Variants in ELF1 observed in about 807,000 individuals in gnomAD.
ELF1 encodes ETS-related transcription factor Elf-1.
Under a neutral mutation model 59.9 loss-of-function variants are expected in ELF1, and 24 were observed. That is an observed-to-expected ratio of 0.40 (90% CI 0.29 to 0.56). The LOEUF is 0.56. Ranked by LOEUF, ELF1 falls within the 20% of genes least tolerant of loss-of-function variation. The probability of loss-of-function intolerance (pLI) is 0.44; values close to 1 mark genes in which losing one functional copy is unlikely to be tolerated. For synonymous variants in ELF1, 248 were observed against 266.2 expected (o/e 0.93, Z 0.67); for missense variants, 627 against 742.2 (o/e 0.84, Z 1.80).
intron 1 of ELF1, among the ~76,000 whole-genome samples, chr13:41,059,828 C>T: frequency 6.6e-6 from 1 of 152,180 alleles, no homozygotes. Context: ...TTCTCTTTCC[C>T]AAGCCCCACC....
intron 1 of ELF1, among the ~76,000 whole-genome samples, chr13:41,013,275 T>C (rs2138371023): frequency 6.6e-6 from 1 of 152,306 alleles, no homozygotes; most frequent in South Asian, 2.1e-4. Flanking sequence ...AATGTGAAGA[T>C]ACTGCTCTAC....
intron 1 of ELF1, among the ~76,000 whole-genome samples, chr13:41,044,990 C>T (rs1413141242): frequency 6.6e-6 from 1 of 152,098 alleles, no homozygotes; most frequent in East Asian, 1.9e-4. Context: ...TTGGTCTATT[C>T]AGGGATTCAA....
rs772158393 is a variant in ELF1, at chr13:40,933,528, T to C, written c.1757A>G (p.Glu586Gly). The C allele has an allele frequency of 2.0e-5, 33 of 1,614,136 alleles. 1 individual carries two copies. The African/African-American group carries it at 3.9e-4, about 19-fold the overall frequency. Residue 586 changes from glutamate (E) to glycine (G), a missense_variant, in exon 9 of 9, where the codon GAG becomes GGG. Physicochemically the swap from Glu to Gly is moderately conservative, Grantham distance 98. Transcript: ENST00000239882. ...CATCACATAAGGCTGTGGCTGCTGC[T>C]CCGTTTTCTCAGTGTTCTCTTTCAA... ...DHLKENTEKT[E>G]QQPQPYVMVV...
At chr13:41,039,356 A>C (rs1049865938) in intron 1 of ELF1, among the ~76,000 whole-genome samples, 2 of 151,624 alleles carry the variant, frequency 1.3e-5, no homozygotes, top group Non-Finnish European at 2.9e-5. Context: ...AAAAAAAAAA[A>C]ACCTATTCTT....
chr13:40,934,656 G>A (rs1869646328), intron 8 of ELF1, among the ~76,000 whole-genome samples: 1 of 152,008 alleles, frequency 6.6e-6, no homozygotes, highest in African/African-American at 2.4e-5. Context: ...CTGACCTCAG[G>A]TGATCCACCC....
At chr13:40,999,140 T>A (rs894352975) in intron 1 of ELF1, among the ~76,000 whole-genome samples, 3 of 152,258 alleles carry the variant, frequency 2.0e-5, no homozygotes, top group African/African-American at 7.2e-5. Flanking sequence ...GAATTTCCCT[T>A]AGGCTCAGCA....
chr13:40,959,413 T>C (rs917624048), intron 2 of ELF1, among the ~76,000 whole-genome samples: 1 of 151,984 alleles, frequency 6.6e-6, no homozygotes, highest in Non-Finnish European at 1.5e-5. Context: ...GGAGAATCAC[T>C]TGAACCTGGG....
intron 1 of ELF1, among the ~76,000 whole-genome samples, chr13:41,003,963 T>C (rs974548478): frequency 1.3e-5 from 2 of 152,078 alleles, no homozygotes; most frequent in African/African-American, 2.4e-5. Context: ...AAATAAACCA[T>C]AAAGGCAACC....
intron 1 of ELF1, among the ~76,000 whole-genome samples, chr13:41,017,590 C>T (rs1875481852): frequency 6.6e-6 from 1 of 152,016 alleles, no homozygotes; most frequent in Admixed American, 6.6e-5. Context: ...TTTACCCCCC[C>T]TTCTCCCTTC....
At chr13:41,052,060 C>T (rs994276535) in intron 1 of ELF1, among the ~76,000 whole-genome samples, 1 of 151,608 alleles carries the variant, frequency 6.6e-6, no homozygotes, top group Admixed American at 6.6e-5. Flanking sequence ...CCTGACACAC[C>T]CTTCAAGTAG....
chr13:41,013,752 T>G (rs1875206459), intron 1 of ELF1, among the ~76,000 whole-genome samples: 1 of 152,084 alleles, frequency 6.6e-6, no homozygotes, highest in Non-Finnish European at 1.5e-5. Flanking sequence ...TTTTCCTACA[T>G]GCACATTTCA....
At chr13:40,967,217 C>T (rs1387440599) in intron 2 of ELF1, among the ~76,000 whole-genome samples, 1 of 152,208 alleles carries the variant, frequency 6.6e-6, no homozygotes, top group Non-Finnish European at 1.5e-5. Flanking sequence ...CAGCACCTTA[C>T]TCTATTACAA....
intron 5 of ELF1, 128 bp downstream of exon 5, chr13:40,949,678 T>G: frequency 8.5e-7 from 1 of 1,171,694 alleles, no homozygotes; most frequent in Admixed American, 2.4e-5. Context: ...TAATTTCCAT[T>G]TTGTGCCTTC....
chr13:41,037,009 C>T (rs941625528), intron 1 of ELF1, among the ~76,000 whole-genome samples: 2 of 151,430 alleles, frequency 1.3e-5, no homozygotes, highest in African/African-American at 2.4e-5. Context: ...ATGTAAATGA[C>T]GAGTTAATGG....
intron 1 of ELF1, among the ~76,000 whole-genome samples, chr13:41,060,308 A>AG (rs1300796852): frequency 1.3e-5 from 2 of 152,194 alleles, no homozygotes; most frequent in African/African-American, 2.4e-5. Context: ...CGCCCAGGGC[A>AG]GGGGGGTCAG....
At chr13:41,059,573 C>T (rs1264890356) in intron 1 of ELF1, among the ~76,000 whole-genome samples, 3 of 152,220 alleles carry the variant, frequency 2.0e-5, no homozygotes, top group Non-Finnish European at 4.4e-5. Context: ...AGTAATGGCA[C>T]TGACCAGAAA....
At chr13:41,031,119 ATTGCTCTAC>A (rs1876142504) in intron 1 of ELF1, among the ~76,000 whole-genome samples, 1 of 151,604 alleles carries the variant, frequency 6.6e-6, no homozygotes, top group Admixed American at 6.6e-5. Flanking sequence ...TAATGGCATC[ATTGCTCTAC>A]AGCCTGGGTG....
rs2138156509 is a variant in ELF1 at position 40,949,919 on chromosome 13, T to G, written c.416A>C (p.His139Pro). ...AATCCCATCTAATGTGACGGACACA[T>G]GGGTGACTGGGGCAACAACCATGTC... ...EDDMVVAPVT[H>P]VSVTLDGIPE... The change falls in exon 5 of 9, where the codon CAT (histidine) becomes CCT (proline). Residue 139 changes from histidine to proline, a missense_variant. By Grantham distance (77) the His-to-Pro change is moderately conservative (BLOSUM62 -2). Around this residue, in one of 3 missense-constraint regions of ELF1, gnomAD observed 232 missense variants for 269.2 expected, o/e 0.86. Coordinates refer to ENST00000239882, the MANE Select transcript of ELF1 (RefSeq NM_172373.4). 6.2e-7 allele frequency: 1 copy of G among 1,614,076 alleles called. No individual in the cohort carries two copies. Among genetic ancestry groups the G allele is most frequent in the East Asian group, 2.2e-5 (1 of 44,878 alleles).
intron 2 of ELF1, among the ~76,000 whole-genome samples, chr13:40,978,892 T>C (rs1323422799): frequency 1.3e-5 from 2 of 152,092 alleles, no homozygotes; most frequent in African/African-American, 4.8e-5. Flanking sequence ...CAACTTTTAT[T>C]TTAGATTCAG....
Sources: gnomAD v4.1 joint callset for allele counts (sites outside exome capture counted in the v4.1 genomes callset) on GRCh38, gnomAD v4.1.1 for gene constraint, gnomAD v4.1.1 regional missense constraint, MANE v1.5 for transcripts, NCBI Gene and HGNC (gene_info 2026-07-23, HGNC 2026-07-21) for gene names.